The following DFFB variants were observed in gnomAD, a reference collection of about 807,000 sequenced individuals.
DFFB encodes DNA fragmentation factor subunit beta.
In DFFB, 29 loss-of-function variants were observed where a neutral mutation model predicts 32.7. That is an observed-to-expected ratio of 0.89 (90% confidence interval 0.66 to 1.21). The LOEUF (loss-of-function observed/expected upper bound fraction) is 1.21, where lower values mean the gene tolerates loss of function less well. Among genes scored for constraint, DFFB ranks in the 50% most tolerant of loss-of-function variants. The pLI is 0.00. For missense variants in DFFB, 398 were observed against 440.6 expected (o/e 0.90, Z 0.87); for synonymous variants, 170 against 177.1 (o/e 0.96, Z 0.32).
chr1:3,858,782 TC>T lies in DFFB; in HGVS notation c.183del (p.Ser62ValfsTer21). ...GGCACGGAGCTGACGGAAGATTACT[TC>T]CCCAGTGTTCCCGACAACGCCGAGC... is the stretch of plus-strand genomic sequence containing the variant. ...EDGTELTEDY[F>X]PSVPDNAELV... On this transcript the variant is annotated frameshift_variant, in exon 2 of 7. Coordinates refer to ENST00000378209, the MANE Select transcript of DFFB (RefSeq NM_004402.4). LOFTEE classifies it high-confidence loss of function. 1 of 1,614,072 alleles carries T rather than the reference TC, an allele frequency of 6.2e-7. No individual in the cohort carries two copies. The highest frequency in any genetic ancestry group is 8.5e-7 in the Non-Finnish European group (1 of 1,180,034).
At chr1:3,862,923 G>A (rs887985991) in intron 2 of DFFB, among the ~76,000 whole-genome samples, 3 of 152,168 alleles carry the variant, frequency 2.0e-5, no homozygotes, top group African/African-American at 4.8e-5. Flanking sequence ...GCCGAGACGG[G>A]CAGATCACTT....
chr1:3,865,754 C>T lies in DFFB; in HGVS notation c.242-58C>T, dbSNP rs752936656. 41 of 1,613,554 alleles carry T rather than the reference C, an allele frequency of 2.5e-5. No individual in the cohort carries two copies. Among genetic ancestry groups the T allele is most frequent in the South Asian group, 6.6e-5 (6 of 91,054 alleles). ...TGTGGTCAGAGGCTCTTCTTGTGAC[C>T]GGGGCAGGATGTGTCTTCTGCTGGA... On this transcript the variant is annotated intron_variant, in intron 2 of 6. Transcript: ENST00000378209. The surrounding 1 kb of genome is among the most constrained non-coding windows in gnomAD (Gnocchi z 4.7).
rs1644952887 is a variant in DFFB, at chr1:3,865,211, T to C, written c.242-601T>C. ...CTCCCCAGCATGTCCTCCTGTCTTC[T>C]TCTGACCCACTGATGTGATCGTGAG... is the stretch of plus-strand genomic sequence containing the variant. On this transcript the variant is annotated intron_variant, in intron 2 of 6. Coordinates refer to ENST00000378209, the MANE Select transcript of DFFB (RefSeq NM_004402.4). The surrounding 1 kb of genome is among the most constrained non-coding windows in gnomAD (Gnocchi z 4.7). Among the ~76,000 whole-genome samples, 1 of 152,190 alleles carries C rather than the reference T, an allele frequency of 6.6e-6. No homozygotes were observed. The highest frequency in any genetic ancestry group is 1.5e-5 in the Non-Finnish European group (1 of 68,034).
At chr1:3,881,430 A>G (rs1451795563) in intron 6 of DFFB, among the ~76,000 whole-genome samples, 1 of 152,008 alleles carries the variant, frequency 6.6e-6, no homozygotes, top group Non-Finnish European at 1.5e-5. Context: ...TCTCGGTCCC[A>G]CCTCCCTGTC....
rs12722891 is a variant in DFFB, at chr1:3,857,732, A to G, written c.114+15A>G. The G allele has an allele frequency of 0.28, 406,685 of 1,477,112 alleles. 58,157 individuals are homozygous for G. The highest frequency in any genetic ancestry group is 0.48 in the African/African-American group (33,391 of 69,790). 91.5% of individuals were successfully genotyped at this position (1,477,112 alleles called of 1,614,324 possible). A position where few individuals can be genotyped will look rare whatever the true frequency, so the allele number is the denominator to read the frequency against. On this transcript the variant is annotated intron_variant, in intron 1 of 6. Coordinates refer to ENST00000378209, the MANE Select transcript of DFFB (RefSeq NM_004402.4). ...TCCGCTTCCAGGTGCCCGCTGGGCT[A>G]GGCGGGGACGGCCCGTCGGGGAGGC...
chr1:3,863,427 G>A lies in DFFB; in HGVS notation c.242-2385G>A, dbSNP rs983805422. ...GGCCCCATTGATGGGAAGGGAAAACGGTGCAGCTGCTGTGGAAAATAGTCT... is the reference window on the plus strand; with the variant it reads ...GGCCCCATTGATGGGAAGGGAAAACAGTGCAGCTGCTGTGGAAAATAGTCT... On this transcript the variant is annotated intron_variant, in intron 2 of 6. Coordinates refer to ENST00000378209, the MANE Select transcript of DFFB (RefSeq NM_004402.4). 5.3e-5 allele frequency among the ~76,000 whole-genome samples: 8 copies of A among 152,266 alleles called. No individual in the cohort carries two copies. In the East Asian group the frequency reaches 5.8e-4, roughly 11 times the overall value.
In DFFB at chr1:3,878,757, T is replaced by G. The variant is rs75564646; in HGVS notation, c.783-4750T>G. On this transcript the variant is annotated intron_variant, in intron 6 of 6. Transcript: ENST00000378209. ...TTAGTGTTCGTGTCTCACCTTATTT[T>G]AATCCTGCACAAAATGCTGGTGTGG... 7.5e-3 allele frequency among the ~76,000 whole-genome samples: 1,137 copies of G among 152,338 alleles called. 10 individuals are homozygous for G. The highest frequency in any genetic ancestry group is 0.025 in the African/African-American group (1,055 of 41,566).
intron 3 of DFFB, among the ~76,000 whole-genome samples, chr1:3,866,706 T>C (rs922670076): frequency 6.6e-6 from 1 of 152,060 alleles, no homozygotes; most frequent in Non-Finnish European, 1.5e-5. Flanking sequence ...TGAACCCGTG[T>C]CCCTGTTACA....
At chr1:3,864,243 G>A (rs1435676716) in intron 2 of DFFB, among the ~76,000 whole-genome samples, 3 of 152,160 alleles carry the variant, frequency 2.0e-5, no homozygotes, top group Non-Finnish European at 4.4e-5. Context: ...GGGATTACAG[G>A]CGTGAGCCAC....
At chr1:3,860,027 A>G (rs1417157253) in intron 2 of DFFB, among the ~76,000 whole-genome samples, 11 of 151,514 alleles carry the variant, frequency 7.3e-5, no homozygotes. Context: ...CTGGCGCTTT[A>G]TCCTCCTCTC....
At chr1:3,867,200 T>G (rs1490005218) in intron 3 of DFFB, among the ~76,000 whole-genome samples, 1 of 152,230 alleles carries the variant, frequency 6.6e-6, no homozygotes, top group Non-Finnish European at 1.5e-5. Context: ...TCAGCCAATT[T>G]CCTTCTTTTT....
intron 6 of DFFB, among the ~76,000 whole-genome samples, chr1:3,879,855 C>G (rs1406314042): frequency 6.6e-6 from 1 of 152,150 alleles, no homozygotes; most frequent in Admixed American, 6.5e-5. Flanking sequence ...CTTTTTTATG[C>G]CAGTCTGGTT....
intron 1 of DFFB, among the ~76,000 whole-genome samples, chr1:3,858,266 A>T (rs1479076286): frequency 6.6e-6 from 1 of 152,092 alleles, no homozygotes; most frequent in African/African-American, 2.4e-5. Flanking sequence ...AGGGAACCGG[A>T]CTCCAACAAA....
chr1:3,884,822 C>T lies in DFFB; in HGVS notation c.*1081C>T, dbSNP rs535457771. On this transcript the variant is annotated 3_prime_UTR_variant, in exon 7 of 7. Transcript: ENST00000378209. ...CTGACCTCAGGTGATCTGCCCGCCTCGGTCTCCCAAAGTGCTGGGATTACA... is the reference window on the plus strand; with the variant it reads ...CTGACCTCAGGTGATCTGCCCGCCTTGGTCTCCCAAAGTGCTGGGATTACA... 5.3e-4 allele frequency: 81 copies of T among 152,338 alleles called. No homozygotes were observed. Among genetic ancestry groups the T allele is most frequent in the African/African-American group, 1.7e-3 (69 of 41,580 alleles). 9.4% of individuals were successfully genotyped at this position (152,338 alleles called of 1,614,324 possible). A position where few individuals can be genotyped will look rare whatever the true frequency, so the allele number is the denominator to read the frequency against.
In DFFB at chr1:3,870,675, C is replaced by T. The variant is rs116538253; in HGVS notation, c.681+900C>T. Among the ~76,000 whole-genome samples, 1,006 of 152,138 alleles carry T rather than the reference C, an allele frequency of 6.6e-3. 8 individuals carry two copies. The highest frequency in any genetic ancestry group is 0.023 in the African/African-American group (949 of 41,512). On this transcript the variant is annotated intron_variant, in intron 5 of 6. Transcript: ENST00000378209. ...CATAAATGAGCGAGACAGAGGAGGC[C>T]AAGGGGCTGCAGGAGCCGCAGCCAG...
intron 5 of DFFB, among the ~76,000 whole-genome samples, chr1:3,871,684 G>A (rs1645115980): frequency 6.6e-6 from 1 of 152,348 alleles, no homozygotes; most frequent in African/African-American, 2.4e-5. Flanking sequence ...CTGACTTGGT[G>A]TATTAGGCCA....
intron 2 of DFFB, among the ~76,000 whole-genome samples, chr1:3,861,153 CA>C (rs56961503): frequency 4.0e-4 from 49 of 122,904 alleles, no homozygotes; most frequent in East Asian, 2.1e-3. Flanking sequence ...GACTCCATCT[CA>C]AAAAAAAAAA....
chr1:3,864,381 C>A (rs1464246597), intron 2 of DFFB, among the ~76,000 whole-genome samples: 2 of 152,160 alleles, frequency 1.3e-5, no homozygotes, highest in East Asian at 3.9e-4. Context: ...GCCGTCTTAC[C>A]TTTCCACTGC....
chr1:3,859,014 C>T, intron 2 of DFFB, 170 bp downstream of exon 2: 1 of 860,040 alleles, frequency 1.2e-6, no homozygotes, highest in Non-Finnish European at 1.7e-6. Context: ...GCTTAGGTGG[C>T]AGAGTCCTCA....
Sources: allele counts gnomAD v4.1 joint callset (sites outside exome capture counted in the v4.1 genomes callset), GRCh38; gene constraint gnomAD v4.1.1; non-coding constraint Gnocchi (gnomAD v3.1); transcripts MANE v1.5; gene names NCBI Gene and HGNC (gene_info 2026-07-23, HGNC 2026-07-21).